Variants in HMBOX1 observed in about 807,000 individuals in gnomAD.
HMBOX1 encodes the protein homeobox containing 1.
HMBOX1 carries 14 observed loss-of-function variants against 54.5 expected under a neutral mutation model. That is an observed-to-expected ratio of 0.26 (90% CI 0.17 to 0.40). The LOEUF (loss-of-function observed/expected upper bound fraction) is 0.40, where lower values mean the gene tolerates loss of function less well. Ranked by LOEUF, HMBOX1 falls within the 10% of genes least tolerant of loss-of-function variation. The pLI is 1.00. For missense variants in HMBOX1, 332 were observed against 514.4 expected (o/e 0.65, Z 3.43); for synonymous variants, 160 against 181.0 (o/e 0.88, Z 0.93).
chr8:29,012,377 G>A (rs1455503330), intron 5 of HMBOX1, among the ~76,000 whole-genome samples: 1 of 152,134 alleles, frequency 6.6e-6, no homozygotes, highest in Non-Finnish European at 1.5e-5. Flanking sequence ...GTTGAGAACT[G>A]GTTAAATAAA....
In HMBOX1 at chr8:28,911,683, C is replaced by CT. The variant is rs375621248; in HGVS notation, c.-58+21006dup. Among the ~76,000 whole-genome samples, 311 of 152,226 alleles carry CT rather than the reference C, an allele frequency of 2.0e-3. 2 individuals are homozygous for CT. Among genetic ancestry groups the CT allele is most frequent in the African/African-American group, 7.2e-3 (297 of 41,534 alleles). On this transcript the variant is annotated intron_variant, in intron 1 of 9. Coordinates refer to ENST00000287701, the MANE Select transcript of HMBOX1 (RefSeq NM_001135726.3). ...TGCTTGACTTTTATTGCTGCTGCTCCTAAAACTTGCCCCTGCTGCAGTGGT... is the reference window on the plus strand; with the variant it reads ...TGCTTGACTTTTATTGCTGCTGCTCCTTAAAACTTGCCCCTGCTGCAGTGGT...
intron 6 of HMBOX1, among the ~76,000 whole-genome samples, chr8:29,025,673 A>T (rs1801907387): frequency 6.6e-6 from 1 of 152,206 alleles, no homozygotes; most frequent in African/African-American, 2.4e-5. Context: ...TTTGGGAGTC[A>T]TCAATATATT....
chr8:28,971,025 CACACATT>C (rs1827309033), intron 3 of HMBOX1, among the ~76,000 whole-genome samples: 1 of 139,196 alleles, frequency 7.2e-6, no homozygotes, highest in Non-Finnish European at 1.6e-5. Context: ...CACACACACA[CACACATT>C]GTCTTTTATA....
intron 4 of HMBOX1, among the ~76,000 whole-genome samples, chr8:28,981,613 CA>C (rs1192003169): frequency 6.6e-6 from 1 of 151,622 alleles, no homozygotes; most frequent in Non-Finnish European, 1.5e-5. Context: ...AATAGCATTG[CA>C]ACGCTGATTT....
At chr8:28,952,173 AAAG>A (rs1364007900) in intron 1 of HMBOX1, among the ~76,000 whole-genome samples, 4 of 151,312 alleles carry the variant, frequency 2.6e-5, no homozygotes, top group Admixed American at 2.0e-4. Context: ...AAAAAAAAAA[AAAG>A]AAAAAGAAAA....
intron 1 of HMBOX1, among the ~76,000 whole-genome samples, chr8:28,920,133 T>TG (rs2131775780): frequency 6.6e-6 from 1 of 152,324 alleles, no homozygotes; most frequent in South Asian, 2.1e-4. Context: ...CAGGTAAACT[T>TG]GACAACCTAG....
intron 1 of HMBOX1, among the ~76,000 whole-genome samples, chr8:28,946,565 G>A (rs1486493920): frequency 4.1e-5 from 6 of 146,200 alleles, no homozygotes; most frequent in African/African-American, 1.0e-4. Context: ...GTGAGACTCC[G>A]TCTCAAAAAA....
intron 1 of HMBOX1, among the ~76,000 whole-genome samples, chr8:28,922,033 A>G (rs1393104947): frequency 1.3e-5 from 2 of 152,200 alleles, no homozygotes; most frequent in Non-Finnish European, 2.9e-5. Context: ...GAGGAGGCCA[A>G]ACTTAAATTT....
chr8:28,974,206 T>C (rs2132404719), intron 3 of HMBOX1, among the ~76,000 whole-genome samples: 1 of 152,308 alleles, frequency 6.6e-6, no homozygotes, highest in Middle Eastern at 3.4e-3. Context: ...CTTTCACTTT[T>C]TTCATTTTTG....
chr8:28,929,019 T>A (rs1193155589), intron 1 of HMBOX1, among the ~76,000 whole-genome samples: 1 of 152,236 alleles, frequency 6.6e-6, no homozygotes, highest in Non-Finnish European at 1.5e-5. Flanking sequence ...GGTAACTACA[T>A]GATGTTTGGT....
intron 5 of HMBOX1, among the ~76,000 whole-genome samples, chr8:29,016,768 C>T (rs762112731): frequency 3.9e-5 from 6 of 152,242 alleles, no homozygotes; most frequent in Admixed American, 3.9e-4. Flanking sequence ...CCTCACCATC[C>T]ACTGCCTGAG....
At chr8:28,921,367 A>C (rs146089359) in intron 1 of HMBOX1, among the ~76,000 whole-genome samples, 36 of 152,242 alleles carry the variant, frequency 2.4e-4, no homozygotes, top group African/African-American at 8.7e-4. Flanking sequence ...ATTTCCATAG[A>C]CGTTTGACCA....
At chr8:28,964,620 C>T (rs1313495561) in intron 2 of HMBOX1, among the ~76,000 whole-genome samples, 1 of 152,110 alleles carries the variant, frequency 6.6e-6, no homozygotes. Context: ...ATGGAGTCTC[C>T]ACTTTGCTTA....
chr8:29,051,357 TAACC>T lies in HMBOX1; in HGVS notation c.*217_*220del, dbSNP rs3830316. The T allele has an allele frequency of 5.7e-5, 36 of 626,146 alleles. No individual in the cohort carries two copies. In the Admixed American group the frequency reaches 7.9e-4, roughly 14 times the overall value. 38.8% of individuals were successfully genotyped at this position (626,146 alleles called of 1,614,324 possible). ...CTCAGTATTAACTCCCAGTAAATAATAACCAACCAACCAACCAAACTTCCCTCTC... is the reference window on the plus strand; with the variant it reads ...CTCAGTATTAACTCCCAGTAAATAATAACCAACCAACCAAACTTCCCTCTC... On this transcript the variant is annotated 3_prime_UTR_variant, in exon 10 of 10. Transcript: ENST00000287701.
intron 6 of HMBOX1, among the ~76,000 whole-genome samples, chr8:29,030,151 T>C (rs1181156858): frequency 6.6e-6 from 1 of 151,884 alleles, no homozygotes; most frequent in Non-Finnish European, 1.5e-5. Flanking sequence ...GCATATCTTA[T>C]ATTTTCTGAA....
chr8:28,985,474 A>G (rs1248690684), intron 4 of HMBOX1, among the ~76,000 whole-genome samples: 1 of 152,204 alleles, frequency 6.6e-6, no homozygotes, highest in Non-Finnish European at 1.5e-5. Flanking sequence ...AGCAGCTTCT[A>G]TGTATCTTTT....
At chr8:28,974,498 A>G (rs1051356925) in intron 3 of HMBOX1, among the ~76,000 whole-genome samples, 2 of 152,136 alleles carry the variant, frequency 1.3e-5, no homozygotes, top group Admixed American at 6.5e-5. Flanking sequence ...TAAGGATATT[A>G]TTCTTAACAA....
At chr8:29,012,368 T>C (rs561502378) in intron 5 of HMBOX1, among the ~76,000 whole-genome samples, 35 of 152,274 alleles carry the variant, frequency 2.3e-4, no homozygotes, top group Non-Finnish European at 4.1e-4. Flanking sequence ...TGTCCCTCAG[T>C]TGAGAACTGG....
intron 6 of HMBOX1, among the ~76,000 whole-genome samples, chr8:29,021,444 G>A (rs1263273982): frequency 1.3e-5 from 2 of 149,644 alleles, no homozygotes; most frequent in African/African-American, 4.9e-5. Flanking sequence ...AGACAAATTG[G>A]AAAAAAAAAT....
Sources: allele counts gnomAD v4.1 joint callset (sites outside exome capture counted in the v4.1 genomes callset), GRCh38; gene constraint gnomAD v4.1.1; transcripts MANE v1.5; gene names NCBI Gene and HGNC (gene_info 2026-07-23, HGNC 2026-07-21).